The following RHBDF1 variants were observed in gnomAD, a reference collection of about 807,000 sequenced individuals.
RHBDF1 encodes the protein rhomboid 5 homolog 1.
A neutral mutation model predicts 98.6 loss-of-function variants in RHBDF1; 80 were observed. The observed-to-expected ratio is 0.81, with a 90% CI of 0.68 to 0.98. The LOEUF is 0.98. Ranked by LOEUF, RHBDF1 falls within the 50% of genes least tolerant of loss-of-function variation. The probability of loss-of-function intolerance (pLI) is 0.00; values close to 1 mark genes in which losing one functional copy is unlikely to be tolerated. For synonymous variants in RHBDF1, 512 were observed against 486.8 expected (o/e 1.05, Z -0.68); for missense variants, 1,116 against 1,198.3 (o/e 0.93, Z 1.01).
intron 1 of RHBDF1, among the ~76,000 whole-genome samples, chr16:72,260 G>A (rs1897991855): frequency 6.6e-6 from 1 of 152,184 alleles, no homozygotes; most frequent in South Asian, 2.1e-4. Context: ...GGCTATTTTT[G>A]CGGCGCGCCG....
At position 58,727 on chromosome 16, in the gene RHBDF1, C is replaced by T. The variant is rs1368256916; in HGVS notation, c.2181G>A (p.Leu727=). The T allele has an allele frequency of 6.2e-7, 1 of 1,612,636 alleles. No homozygotes were observed. The highest frequency in any genetic ancestry group is 2.2e-5 in the East Asian group (1 of 44,890). Residue 727 remains leucine, a synonymous_variant, in exon 18 of 18, where the codon CTG becomes CTA. Coordinates refer to ENST00000262316, the MANE Select transcript of RHBDF1 (RefSeq NM_022450.5). ...VGPAGSQFGI[L]ACLFVELFQS... is the part of the protein sequence containing the mutation. ...GGAAGAGCTCCACGAAGAGGCAGGCCAGGATGCCGAACTGGGAGCCAGCAG... is the reference window on the plus strand; with the variant it reads ...GGAAGAGCTCCACGAAGAGGCAGGCTAGGATGCCGAACTGGGAGCCAGCAG...
Position 72,535 on chromosome 16 carries a change from G to T in RHBDF1, c.-47C>A. On this transcript the variant is annotated 5_prime_UTR_variant, in exon 1 of 18. Coordinates refer to ENST00000262316, the MANE Select transcript of RHBDF1 (RefSeq NM_022450.5). ...CACTGCCGCCGCCGGGGGCTCTGGG[G>T]GGTCCTGAGGGCGCCGGGGAGGAGG... 2 of 941,482 alleles carry T rather than the reference G, an allele frequency of 2.1e-6. No individual in the cohort carries two copies. Among genetic ancestry groups the T allele is most frequent in the South Asian group, 1.0e-4 (2 of 19,682 alleles). 58.3% of individuals were successfully genotyped at this position (941,482 alleles called of 1,614,324 possible). A position where few individuals can be genotyped will look rare whatever the true frequency, so the allele number is the denominator to read the frequency against.
chr16:62,269 G>A (rs1321191440), intron 7 of RHBDF1: 1 of 733,066 alleles, frequency 1.4e-6, no homozygotes, highest in Non-Finnish European at 2.2e-6. Flanking sequence ...AACTCAGCAA[G>A]TATCACCTCT....
Position 62,708 on chromosome 16 carries a change from A to G in RHBDF1, c.796-13T>C, listed in dbSNP as rs746695813. 6.2e-7 allele frequency: 1 copy of G among 1,614,164 alleles called. No individual in the cohort carries two copies. The highest frequency in any genetic ancestry group is 1.1e-5 in the South Asian group (1 of 91,088). ...GGAGGATACCTTCCTGAGCAAACAC[A>G]TGAGGTCAGGGTGGACACAGGCAGG... is the stretch of plus-strand genomic sequence containing the variant. On this transcript the variant is annotated splice_polypyrimidine_tract_variant and intron_variant, in intron 6 of 17. Transcript: ENST00000262316.
intron 3 of RHBDF1, 65 bp from the exon 4 acceptor site, chr16:63,865 G>A (rs1267130257): frequency 1.4e-6 from 2 of 1,383,194 alleles, no homozygotes; most frequent in Non-Finnish European, 2.0e-6. Flanking sequence ...GACTTCAAAG[G>A]CCCTCCTCCG....
Position 63,110 on chromosome 16 carries a change from G to T in RHBDF1, c.535C>A (p.His179Asn), listed in dbSNP as rs767353931. 6 of 1,606,686 alleles carry T rather than the reference G, an allele frequency of 3.7e-6. No homozygotes were observed. The highest frequency in any genetic ancestry group is 5.1e-6 in the Non-Finnish European group (6 of 1,177,358). The change falls in exon 5 of 18, where the codon CAC becomes AAC. Residue 179 changes from histidine (H) to asparagine (N), a missense_variant. Physicochemically the swap from His to Asn is moderately conservative, Grantham distance 68. Coordinates refer to ENST00000262316, the MANE Select transcript of RHBDF1 (RefSeq NM_022450.5). ...GCAGCACCCGGCGTGACGGGAGTGT[G>T]TGGGGCACTCAGGCCTTCCGCAGTG... is the stretch of plus-strand genomic sequence containing the variant. The part of the protein sequence containing the change: ...DDTAEGLSAP[H>N]TPVTPGAASL...
At chr16:62,492 GC>G (rs1466989316) in intron 7 of RHBDF1, 45 bp downstream of exon 7, 2 of 1,598,782 alleles carry the variant, frequency 1.3e-6, no homozygotes, top group Middle Eastern at 1.7e-4. Flanking sequence ...TTCCTGACGG[GC>G]CCCGGGGTCT....
upstream of RHBDF1, among the ~76,000 whole-genome samples, chr16:75,802 A>T (rs1898076143): frequency 6.6e-6 from 1 of 152,186 alleles, no homozygotes; most frequent in South Asian, 2.1e-4. Flanking sequence ...CCCTGCTGGG[A>T]AGCTGCCAGC....
upstream of RHBDF1, chr16:74,094 G>A (rs1567120668): frequency 4.2e-6 from 1 of 240,738 alleles, no homozygotes; most frequent in Non-Finnish European, 6.7e-6. Context: ...TCCACCAGGG[G>A]ATGACTGCCA....
intron 7 of RHBDF1, 198 bp downstream of exon 7, chr16:62,340 T>C (rs1476916275): frequency 3.8e-6 from 3 of 784,442 alleles, no homozygotes; most frequent in Admixed American, 5.8e-5. Context: ...TGCTGTCCCA[T>C]TCCACAGGCA....
chr16:63,798 C>T lies in RHBDF1; in HGVS notation c.251G>A (p.Gly84Glu). The T allele has an allele frequency of 5.0e-6, 8 of 1,612,826 alleles. No homozygotes were observed. The highest frequency in any genetic ancestry group is 5.9e-6 in the Non-Finnish European group (7 of 1,179,320). The change falls in exon 4 of 18, where the codon GGG (glycine) becomes GAG (glutamate). Residue 84 changes from glycine (G) to glutamate (E), a missense_variant and splice_region_variant. Transcript: ENST00000262316. ...GCTCACTCCAAACCAGTCGGCGGTC[C>T]CCCTGGCATGGCAGGGACTCAGCAA... ...QTSITQTIRRGTADWFGVSKD... is the reference protein window; with the variant it reads ...QTSITQTIRRETADWFGVSKD...
chr16:59,589 T>C, intron 14 of RHBDF1, 95 bp from the exon 15 acceptor site: 1 of 1,483,448 alleles, frequency 6.7e-7, no homozygotes, highest in Non-Finnish European at 9.2e-7. Context: ...CCACCTTTGT[T>C]GGCCCCAAGG....
intron 1 of RHBDF1, 55 bp from the exon 2 acceptor site, chr16:65,094 T>C (rs1468889134): frequency 4.1e-6 from 6 of 1,472,300 alleles, no homozygotes; most frequent in Admixed American, 2.4e-5. Flanking sequence ...TGAAGATTCA[T>C]TGCACCCAGA....
rs1281394987 is a variant in RHBDF1, at chr16:58,657, G to A, written c.2251C>T (p.Leu751=). Reference sequence around the variant, plus strand: ...AAGAGGAAGAGCACCACAGCCAGCAGCTTGAAGAAGGCACGCCAGGGCCGC... The same window carrying A: ...AAGAGGAAGAGCACCACAGCCAGCAACTTGAAGAAGGCACGCCAGGGCCGC... ...LARPWRAFFK[L]LAVVLFLFTF... is the part of the protein sequence containing the mutation. Residue 751 remains leucine (L), a synonymous_variant, in exon 18 of 18, where the codon CTG becomes TTG. Transcript: ENST00000262316. 6 of 1,613,254 alleles carry A rather than the reference G, an allele frequency of 3.7e-6. No homozygotes were observed. The South Asian group carries it at 6.6e-5, about 18-fold the overall frequency.
At chr16:64,470 G>T (rs753375788) in intron 3 of RHBDF1, 7 of 1,511,976 alleles carry the variant, frequency 4.6e-6, no homozygotes, top group Non-Finnish European at 6.2e-6. Context: ...GGGCGGTGGA[G>T]ACAGAGAAGG....
chr16:67,134 C>G (rs1897850755), intron 1 of RHBDF1, among the ~76,000 whole-genome samples: 1 of 152,218 alleles, frequency 6.6e-6, no homozygotes, highest in Non-Finnish European at 1.5e-5. Context: ...GGGGCCACCT[C>G]TGAGTCTCAG....
At position 59,468 on chromosome 16, in the gene RHBDF1, C is replaced by A. The variant is rs1897521557; in HGVS notation, c.1844G>T (p.Cys615Phe). The A allele has an allele frequency of 6.2e-7, 1 of 1,613,568 alleles. No homozygotes were observed. The part of the protein sequence containing the change: ...GRCEITSREY[C>F]DFMRGYFHEE... ...ATGGAAGTAGCCCCTCATGAAGTCA[C>A]AGTACTCCCGGGAGGTGATCTCACA... Residue 615 changes from cysteine to phenylalanine, a missense_variant, in exon 15 of 18, where the codon TGT (cysteine) becomes TTT (phenylalanine). Physicochemically the swap from Cys to Phe is radical, Grantham distance 205 (BLOSUM62 -2). Coordinates refer to ENST00000262316, the MANE Select transcript of RHBDF1 (RefSeq NM_022450.5).
chr16:64,570 T>C, intron 3 of RHBDF1, 129 bp downstream of exon 3: 3 of 1,543,336 alleles, frequency 1.9e-6, no homozygotes, highest in Admixed American at 1.9e-5. Context: ...AAGGGGATGG[T>C]GGGGACCGAG....
At chr16:72,959 G>T (rs974763163), upstream of RHBDF1, among the ~76,000 whole-genome samples, 9 of 152,100 alleles carry the variant, frequency 5.9e-5, no homozygotes, top group African/African-American at 2.2e-4. Context: ...AGCAGGCACG[G>T]GGTAAAGGGC....
Sources: allele counts gnomAD v4.1 joint callset (sites outside exome capture counted in the v4.1 genomes callset), GRCh38; gene constraint gnomAD v4.1.1; transcripts MANE v1.5; gene names NCBI Gene and HGNC (gene_info 2026-07-23, HGNC 2026-07-21).